Variants in PLD5 observed in about 807,000 individuals in gnomAD.
PLD5 encodes inactive phospholipase D5.
Under a neutral mutation model 61.1 loss-of-function variants are expected in PLD5, and 36 were observed. The observed-to-expected ratio is 0.59, with a 90% CI of 0.45 to 0.78. The LOEUF is 0.78. PLD5 is among the 30% of genes least tolerant of loss of function. The pLI is 0.00. For synonymous variants in PLD5, 243 were observed against 242.8 expected (o/e 1.00, Z -0.01); for missense variants, 515 against 644.4 (o/e 0.80, Z 2.17).
chr1:242,240,755 G>A (rs402814), intron 4 of PLD5, among the ~76,000 whole-genome samples: 13,039 of 152,218 alleles, frequency 0.086, 718 homozygotes, highest in East Asian at 0.16. Flanking sequence ...TGGAGACAAG[G>A]ATGTGGAGAA....
At chr1:242,355,840 A>G (rs1660723191) in intron 1 of PLD5, among the ~76,000 whole-genome samples, 1 of 151,442 alleles carries the variant, frequency 6.6e-6, no homozygotes, top group Non-Finnish European at 1.5e-5. Context: ...CCTTTTATTC[A>G]CTGATCAACT....
At chr1:242,200,242 C>T (rs1416622101) in intron 5 of PLD5, among the ~76,000 whole-genome samples, 1 of 152,164 alleles carries the variant, frequency 6.6e-6, no homozygotes, top group Non-Finnish European at 1.5e-5. Context: ...TCCAAAATGC[C>T]TGCGTTGATT....
intron 5 of PLD5, among the ~76,000 whole-genome samples, chr1:242,145,821 C>T (rs561137448): frequency 3.7e-4 from 57 of 152,216 alleles, no homozygotes; most frequent in Middle Eastern, 3.4e-3. Flanking sequence ...TATAGGCGCA[C>T]ACCAGCACCA....
At chr1:242,468,892 T>C (rs1033786460) in intron 1 of PLD5, among the ~76,000 whole-genome samples, 1 of 152,142 alleles carries the variant, frequency 6.6e-6, no homozygotes, top group African/African-American at 2.4e-5. Context: ...CCCTATAAGA[T>C]AGGTACTATT....
At chr1:242,485,366 T>C (rs1432865607) in intron 1 of PLD5, among the ~76,000 whole-genome samples, 1 of 152,098 alleles carries the variant, frequency 6.6e-6, no homozygotes, top group East Asian at 1.9e-4. Flanking sequence ...TTCAGCAAAA[T>C]CTCAGGATAC....
chr1:242,340,104 G>A (rs1317065810), intron 2 of PLD5, among the ~76,000 whole-genome samples: 3 of 152,276 alleles, frequency 2.0e-5, no homozygotes, highest in African/African-American at 4.8e-5. Context: ...ACTAGGAGAG[G>A]ACATAAAATA....
chr1:242,136,967 G>T (rs577393944), intron 5 of PLD5, among the ~76,000 whole-genome samples: 90 of 152,276 alleles, frequency 5.9e-4, no homozygotes, highest in African/African-American at 2.0e-3. Flanking sequence ...ATAGGTGTGT[G>T]GGGCTGAGAA....
chr1:242,525,243 AG>A (rs1319718753), upstream of PLD5, among the ~76,000 whole-genome samples: 1 of 140,796 alleles, frequency 7.1e-6, no homozygotes, highest in Non-Finnish European at 1.5e-5. Context: ...GCCCGGGGGC[AG>A]TAGCCCCTCG....
chr1:242,465,858 G>A (rs1667263484), intron 1 of PLD5, among the ~76,000 whole-genome samples: 1 of 152,198 alleles, frequency 6.6e-6, no homozygotes, highest in African/African-American at 2.4e-5. Context: ...GAACCTGGGA[G>A]GCGGAGGTTG....
At position 242,083,960 on chromosome 1, in the gene PLD5, C is replaced by T. The variant is rs547268890; in HGVS notation, c.*5894G>A. ...GTCTCATCTGCTTTTCAGAATTTTC[C>T]GCCCATGGGGAATAGGAGAGTCCAT... On this transcript the variant is annotated 3_prime_UTR_variant, in exon 10 of 10. Transcript: ENST00000536534. 2.6e-5 allele frequency: 4 copies of T among 152,034 alleles called. No individual in the cohort carries two copies. The highest frequency in any genetic ancestry group is 1.9e-4 in the East Asian group (1 of 5,194). 9.4% of individuals were successfully genotyped at this position (152,034 alleles called of 1,614,324 possible).
chr1:242,245,069 A>G (rs1558391350), intron 4 of PLD5, among the ~76,000 whole-genome samples: 2 of 152,232 alleles, frequency 1.3e-5, no homozygotes, highest in Non-Finnish European at 2.9e-5. Flanking sequence ...GCATGTGCCA[A>G]GTACATTACC....
chr1:242,119,221 A>G (rs1033431286), intron 6 of PLD5, among the ~76,000 whole-genome samples: 1 of 152,216 alleles, frequency 6.6e-6, no homozygotes, highest in Non-Finnish European at 1.5e-5. Flanking sequence ...TACAGACCTT[A>G]GCAGGTTTTT....
chr1:242,406,566 G>A (rs368909475), intron 1 of PLD5, among the ~76,000 whole-genome samples: 195 of 152,300 alleles, frequency 1.3e-3, no homozygotes, highest in Non-Finnish European at 2.5e-3. Context: ...GTTTCTTACT[G>A]ACTACCAAGG....
At chr1:242,147,253 G>C (rs926533942) in intron 5 of PLD5, among the ~76,000 whole-genome samples, 1 of 152,158 alleles carries the variant, frequency 6.6e-6, no homozygotes, top group African/African-American at 2.4e-5. Flanking sequence ...CGTATAAACT[G>C]AGTCATGGAG....
rs115570897 is a variant in PLD5 at position 242,347,789 on chromosome 1, C to T, written c.326+317G>A. ...ACAGCGTTCTTTGTCCATTGGGGCA[C>T]TCCTTTTTACAGGCTCATCATGAAC... On this transcript the variant is annotated intron_variant, in intron 2 of 9. Transcript: ENST00000536534. Among the ~76,000 whole-genome samples the T allele has an allele frequency of 4.4e-3, 676 of 152,290 alleles. 3 individuals are homozygous for T. Among genetic ancestry groups the T allele is most frequent in the African/African-American group, 0.016 (647 of 41,556 alleles).
intron 8 of PLD5, among the ~76,000 whole-genome samples, chr1:242,101,300 T>C (rs1394074002): frequency 1.6e-5 from 2 of 128,952 alleles, no homozygotes; most frequent in South Asian, 2.4e-4. Context: ...GCTCTTTTGA[T>C]AGACAACTCA....
At chr1:242,165,496 A>ATAGAC (rs1666245000) in intron 5 of PLD5, among the ~76,000 whole-genome samples, 1 of 151,876 alleles carries the variant, frequency 6.6e-6, no homozygotes, top group Non-Finnish European at 1.5e-5. Flanking sequence ...GATGTAAAAT[A>ATAGAC]TAGACTATGA....
intron 7 of PLD5, among the ~76,000 whole-genome samples, chr1:242,112,297 GT>G (rs1661568151): frequency 9.9e-6 from 1 of 100,794 alleles, no homozygotes; most frequent in Non-Finnish European, 1.8e-5. Flanking sequence ...GTGTGTGTGT[GT>G]GTGTGTGTGT....
At chr1:242,149,692 C>A (rs771479724) in intron 5 of PLD5, among the ~76,000 whole-genome samples, 38 of 151,452 alleles carry the variant, frequency 2.5e-4, no homozygotes, top group Admixed American at 6.6e-4. Flanking sequence ...CACACACACA[C>A]ACACAGATTT....
Sources: allele counts gnomAD v4.1 joint callset (sites outside exome capture counted in the v4.1 genomes callset), GRCh38; gene constraint gnomAD v4.1.1; transcripts MANE v1.5; gene names NCBI Gene and HGNC (gene_info 2026-07-23, HGNC 2026-07-21).